Variants in PAG1 observed in about 807,000 individuals in gnomAD.
PAG1 encodes phosphoprotein associated with glycosphingolipid-enriched microdomains 1.
In PAG1, 23 loss-of-function variants were observed where a neutral mutation model predicts 31.7. That is an observed-to-expected ratio of 0.73 (90% confidence interval 0.52 to 1.03). The LOEUF (loss-of-function observed/expected upper bound fraction) is 1.03, where lower values mean the gene tolerates loss of function less well. Among genes scored for constraint, PAG1 ranks in the 50% least tolerant of loss-of-function variants. The pLI, the probability that PAG1 is intolerant of heterozygous loss-of-function variation, is 0.00. For synonymous variants in PAG1, 214 were observed against 210.3 expected (o/e 1.02, Z -0.15); for missense variants, 473 against 540.7 (o/e 0.87, Z 1.24).
intron 3 of PAG1, among the ~76,000 whole-genome samples, chr8:81,027,558 A>G (rs1454660498): frequency 6.6e-6 from 1 of 152,210 alleles, no homozygotes; most frequent in East Asian, 1.9e-4. Flanking sequence ...TAAAAGTCTC[A>G]TAATTTATAT....
intron 3 of PAG1, among the ~76,000 whole-genome samples, chr8:80,993,732 C>A (rs1807610738): frequency 6.6e-6 from 1 of 152,076 alleles, no homozygotes; most frequent in African/African-American, 2.4e-5. Context: ...CCCTGCCCCC[C>A]ACTGCTGGGA....
intron 1 of PAG1, among the ~76,000 whole-genome samples, chr8:81,104,056 T>C (rs1809652757): frequency 6.6e-6 from 1 of 150,438 alleles, no homozygotes; most frequent in South Asian, 2.1e-4. Flanking sequence ...AATTCATGCC[T>C]TGTTATTTTA....
chr8:80,996,808 T>C (rs978871947), intron 3 of PAG1, among the ~76,000 whole-genome samples: 26 of 152,090 alleles, frequency 1.7e-4, no homozygotes. Flanking sequence ...GAGGGGAAGG[T>C]GGAGGGAAAT....
intron 1 of PAG1, among the ~76,000 whole-genome samples, chr8:81,106,541 T>TA (rs1336853844): frequency 6.6e-6 from 1 of 152,078 alleles, no homozygotes; most frequent in Non-Finnish European, 1.5e-5. Flanking sequence ...CTTCTCAGGT[T>TA]AAAAAAATCA....
Position 80,973,552 on chromosome 8 carries a change from T to G in PAG1, c.*2992A>C, listed in dbSNP as rs572009189. The G allele has an allele frequency of 2.4e-3, 367 of 152,312 alleles. 1 individual carries two copies. Among genetic ancestry groups the G allele is most frequent in the African/African-American group, 8.4e-3 (348 of 41,568 alleles). The allele number at this position is 152,312 out of a possible 1,614,324, so 9.4% of individuals were successfully genotyped here. ...ATTCTTACTTACAAGATAAAAAAAT[T>G]TCCTAAAATTTATTTTTAAATTTCA... On this transcript the variant is annotated 3_prime_UTR_variant, in exon 9 of 9. Transcript: ENST00000220597.
At chr8:81,006,439 T>C (rs889095227) in intron 3 of PAG1, among the ~76,000 whole-genome samples, 1 of 152,174 alleles carries the variant, frequency 6.6e-6, no homozygotes, top group African/African-American at 2.4e-5. Context: ...ACTGGTTCTG[T>C]AGACAAGCCT....
chr8:81,093,018 C>T (rs899919007), intron 1 of PAG1, among the ~76,000 whole-genome samples: 2 of 152,136 alleles, frequency 1.3e-5, no homozygotes, highest in African/African-American at 2.4e-5. Flanking sequence ...CCTTAATGTA[C>T]GATACATATT....
chr8:81,007,611 T>C (rs1586161302), intron 3 of PAG1, among the ~76,000 whole-genome samples: 1 of 113,474 alleles, frequency 8.8e-6, no homozygotes, highest in South Asian at 2.9e-4. Context: ...CATCCCAGCC[T>C]GGGTGACAGA....
At chr8:81,034,533 A>C (rs1808431319) in intron 2 of PAG1, among the ~76,000 whole-genome samples, 1 of 152,222 alleles carries the variant, frequency 6.6e-6, no homozygotes, top group Non-Finnish European at 1.5e-5. Flanking sequence ...AGACCTGCTA[A>C]TCTACCTATG....
intron 1 of PAG1, among the ~76,000 whole-genome samples, chr8:81,072,084 G>A (rs1809102538): frequency 6.6e-6 from 1 of 152,262 alleles, no homozygotes; most frequent in Admixed American, 6.5e-5. Flanking sequence ...ACCAGCGTAG[G>A]TGAAGATGTG....
intron 1 of PAG1, among the ~76,000 whole-genome samples, chr8:81,085,967 G>T (rs1486485864): frequency 1.6e-5 from 2 of 129,022 alleles, no homozygotes. Context: ...CTTTTAATCT[G>T]GCTTGTTTTT....
intron 1 of PAG1, among the ~76,000 whole-genome samples, chr8:81,109,893 G>A (rs1809748050): frequency 1.3e-5 from 2 of 152,158 alleles, no homozygotes; most frequent in Admixed American, 1.3e-4. Context: ...CTCCTAACCA[G>A]GCTGCAATAG....
chr8:81,008,624 G>A (rs932960509), intron 3 of PAG1, among the ~76,000 whole-genome samples: 7 of 150,734 alleles, frequency 4.6e-5, no homozygotes, highest in Admixed American at 1.3e-4. Flanking sequence ...AAAGGGTAAG[G>A]TGAACCTGAC....
chr8:81,021,340 G>A (rs539506260), intron 3 of PAG1, among the ~76,000 whole-genome samples: 20 of 151,798 alleles, frequency 1.3e-4, no homozygotes, highest in East Asian at 5.8e-4. Context: ...AACAACTTAC[G>A]TCAGCATGGT....
chr8:81,022,313 C>G (rs1375497822), intron 3 of PAG1, among the ~76,000 whole-genome samples: 3 of 152,094 alleles, frequency 2.0e-5, no homozygotes, highest in Non-Finnish European at 2.9e-5. Context: ...CTGTATATTT[C>G]TTTTTCCTTA....
At chr8:80,980,385 G>A in intron 8 of PAG1, 50 bp downstream of exon 8, 2 of 958,092 alleles carry the variant, frequency 2.1e-6, no homozygotes, top group South Asian at 1.3e-5. Context: ...AAGGGGGGAA[G>A]GTCTATTCTT....
chr8:81,021,577 A>C (rs1808172421), intron 3 of PAG1, among the ~76,000 whole-genome samples: 1 of 150,012 alleles, frequency 6.7e-6, no homozygotes, highest in South Asian at 2.1e-4. Context: ...AGAGAGAGAG[A>C]AAGAGGGAGA....
intron 2 of PAG1, among the ~76,000 whole-genome samples, chr8:81,051,785 T>TA (rs1442579127): frequency 6.6e-6 from 1 of 152,150 alleles, no homozygotes; most frequent in African/African-American, 2.4e-5. Context: ...TTCAGTTACG[T>TA]AAAAAATGCA....
In PAG1 at chr8:81,098,656, A is replaced by C. The variant is rs112983680; in HGVS notation, c.-234+12935T>G. On this transcript the variant is annotated intron_variant, in intron 1 of 8. Transcript: ENST00000220597. Reference sequence around the variant, plus strand: ...GGCCCCGGGGCTGGTGCAGATGAACATGGCTACAATCCAGGCCTTCAGCAG... The same window carrying C: ...GGCCCCGGGGCTGGTGCAGATGAACCTGGCTACAATCCAGGCCTTCAGCAG... Among the ~76,000 whole-genome samples the C allele has an allele frequency of 8.2e-3, 1,253 of 152,294 alleles. 14 individuals are homozygous for C. Among genetic ancestry groups the C allele is most frequent in the African/African-American group, 0.029 (1,188 of 41,558 alleles).
Sources: gnomAD v4.1 joint callset for allele counts (sites outside exome capture counted in the v4.1 genomes callset) on GRCh38, gnomAD v4.1.1 for gene constraint, MANE v1.5 for transcripts, NCBI Gene and HGNC (gene_info 2026-07-23, HGNC 2026-07-21) for gene names.